Variants in LUZP2 observed in about 807,000 individuals in gnomAD.
LUZP2 encodes leucine zipper protein 2.
LUZP2 carries 52 observed loss-of-function variants against 51.6 expected under a neutral mutation model. That is an observed-to-expected ratio of 1.01 (90% CI 0.81 to 1.27). The LOEUF is 1.27. LUZP2 is among the 50% of genes most tolerant of loss of function. The pLI is 0.00. For missense variants in LUZP2, 436 were observed against 395.4 expected (o/e 1.10, Z -0.87); for synonymous variants, 154 against 137.3 (o/e 1.12, Z -0.85).
chr11:24,721,330 C>A (rs1374027153), intron 1 of LUZP2, among the ~76,000 whole-genome samples: 1 of 134,610 alleles, frequency 7.4e-6, no homozygotes, highest in African/African-American at 2.7e-5. Context: ...CATTTTACAT[C>A]TGATAATGTA....
In LUZP2 at chr11:24,732,178, C is replaced by G; in HGVS notation, c.241C>G (p.Gln81Glu). 3 of 1,607,394 alleles carry G rather than the reference C, an allele frequency of 1.9e-6. No homozygotes were observed. The highest frequency in any genetic ancestry group is 2.2e-5 in the East Asian group (1 of 44,724). ...TGTTCAGAAACTTCTGGAATTAGGACAGAAACAAAGGTAAGACTTTTCTTT... is the reference window on the plus strand; with the variant it reads ...TGTTCAGAAACTTCTGGAATTAGGAGAGAAACAAAGGTAAGACTTTTCTTT... ...TDVQKLLELG[Q>E]KQREEMKSLQ... is the part of the protein sequence containing the mutation. The change falls in exon 3 of 12, where the codon CAG (glutamine) becomes GAG (glutamate). Residue 81 changes from glutamine to glutamate, a missense_variant. Physicochemically the swap from Gln to Glu is conservative, Grantham distance 29. Coordinates refer to ENST00000336930, the MANE Select transcript of LUZP2 (RefSeq NM_001009909.4).
intron 1 of LUZP2, among the ~76,000 whole-genome samples, chr11:24,566,645 C>A (rs951829640): frequency 3.1e-4 from 44 of 142,168 alleles, no homozygotes; most frequent in South Asian, 4.4e-4. Flanking sequence ...CACACACACA[C>A]AAAAATTAGC....
At chr11:25,064,552 A>G (rs1590890495) in intron 10 of LUZP2, among the ~76,000 whole-genome samples, 1 of 152,126 alleles carries the variant, frequency 6.6e-6, no homozygotes, top group Admixed American at 6.6e-5. Context: ...TGAAACTTGA[A>G]AACTAAATTA....
chr11:24,780,537 T>C (rs941318232), intron 5 of LUZP2, among the ~76,000 whole-genome samples: 1 of 152,146 alleles, frequency 6.6e-6, no homozygotes. Flanking sequence ...GCAGGAAATT[T>C]GCTAGCACTG....
At chr11:24,859,254 A>G (rs1254728461) in intron 5 of LUZP2, among the ~76,000 whole-genome samples, 1 of 152,148 alleles carries the variant, frequency 6.6e-6, no homozygotes, top group African/African-American at 2.4e-5. Flanking sequence ...ATTAAGCATA[A>G]AATAATATTG....
chr11:24,506,852 A>C (rs919720898), intron 1 of LUZP2, among the ~76,000 whole-genome samples: 1 of 152,100 alleles, frequency 6.6e-6, no homozygotes, highest in African/African-American at 2.4e-5. Context: ...TGGCTTTATG[A>C]ATGAAACTAT....
At chr11:24,895,404 T>C (rs543922508) in intron 5 of LUZP2, among the ~76,000 whole-genome samples, 1 of 152,242 alleles carries the variant, frequency 6.6e-6, no homozygotes, top group East Asian at 1.9e-4. Context: ...GGTGCATGTG[T>C]AGGTGTGTTT....
chr11:24,682,510 C>A (rs1856767328), intron 1 of LUZP2, among the ~76,000 whole-genome samples: 1 of 26,714 alleles, frequency 3.7e-5, no homozygotes, highest in Non-Finnish European at 6.7e-5. Context: ...AAAAAAAATG[C>A]AAAAATGCAA....
chr11:24,963,262 T>G (rs1855472865), intron 7 of LUZP2, among the ~76,000 whole-genome samples: 1 of 152,178 alleles, frequency 6.6e-6, no homozygotes, highest in Admixed American at 6.5e-5. Flanking sequence ...GATCTCCAGC[T>G]GCGTGCTGGG....
At chr11:25,065,976 A>C (rs898402999) in intron 10 of LUZP2, among the ~76,000 whole-genome samples, 1 of 152,014 alleles carries the variant, frequency 6.6e-6, no homozygotes, top group African/African-American at 2.4e-5. Context: ...CTGCCTCTGC[A>C]CTTATCATGC....
intron 5 of LUZP2, among the ~76,000 whole-genome samples, chr11:24,890,341 A>G (rs1852806303): frequency 6.6e-6 from 1 of 152,244 alleles, no homozygotes; most frequent in African/African-American, 2.4e-5. Context: ...GTACATGACA[A>G]TAATAACATG....
chr11:24,917,533 A>G (rs1225963911), intron 7 of LUZP2, among the ~76,000 whole-genome samples: 1 of 152,150 alleles, frequency 6.6e-6, no homozygotes, highest in Non-Finnish European at 1.5e-5. Flanking sequence ...GAAGGGATCC[A>G]ATTTTAGCTT....
At chr11:24,936,714 G>C (rs1590751192) in intron 7 of LUZP2, among the ~76,000 whole-genome samples, 2 of 151,824 alleles carry the variant, frequency 1.3e-5, no homozygotes, top group East Asian at 1.9e-4. Flanking sequence ...TATAGTCTTT[G>C]TTTCTATCTG....
chr11:24,935,268 T>A (rs1190977134), intron 7 of LUZP2, among the ~76,000 whole-genome samples: 2 of 152,178 alleles, frequency 1.3e-5, no homozygotes, highest in Non-Finnish European at 2.9e-5. Flanking sequence ...ATCTGCATAT[T>A]TCCTTGCTTA....
At chr11:24,916,135 G>A (rs1031966801) in intron 7 of LUZP2, among the ~76,000 whole-genome samples, 1 of 151,842 alleles carries the variant, frequency 6.6e-6, no homozygotes, top group Admixed American at 6.6e-5. Context: ...CCTTATTAAT[G>A]CTTGAGAGCT....
chr11:24,589,718 C>T (rs919379753), intron 1 of LUZP2, among the ~76,000 whole-genome samples: 1 of 152,122 alleles, frequency 6.6e-6, no homozygotes, highest in Admixed American at 6.6e-5. Flanking sequence ...AGAAGTCAGG[C>T]CACTGCTTGA....
chr11:25,068,293 A>G (rs1446555452), intron 10 of LUZP2, among the ~76,000 whole-genome samples: 2 of 152,080 alleles, frequency 1.3e-5, no homozygotes, highest in African/African-American at 2.4e-5. Context: ...CTGTACATGT[A>G]TCCCAGAAGT....
Position 24,711,492 on chromosome 11 carries a change from A to C in LUZP2, c.63-17677A>C, listed in dbSNP as rs1857827094. 2.5e-5 allele frequency among the ~76,000 whole-genome samples: 3 copies of C among 121,838 alleles called. No individual in the cohort carries two copies. In the South Asian group the frequency reaches 7.8e-4, roughly 32 times the overall value. The allele number at this position is 121,838 out of a possible 152,430, so 79.9% of individuals were successfully genotyped here. On this transcript the variant is annotated intron_variant, in intron 1 of 11. Transcript: ENST00000336930. ...AAATAAATAAATAAATAAATAAATAAAGATTTTCTTTTGTAGGTATAGACA... is the reference window on the plus strand; with the variant it reads ...AAATAAATAAATAAATAAATAAATACAGATTTTCTTTTGTAGGTATAGACA...
chr11:24,865,640 C>T (rs542490727), intron 5 of LUZP2, among the ~76,000 whole-genome samples: 2 of 152,018 alleles, frequency 1.3e-5, no homozygotes, highest in African/African-American at 2.4e-5. Context: ...GGTTATTTGA[C>T]AGCATTCCCC....
Sources: allele counts gnomAD v4.1 joint callset (sites outside exome capture counted in the v4.1 genomes callset), GRCh38; gene constraint gnomAD v4.1.1; transcripts MANE v1.5; gene names NCBI Gene and HGNC (gene_info 2026-07-23, HGNC 2026-07-21).